KLHL21: variants seen among roughly 807,000 people sequenced by gnomAD.
KLHL21 encodes the protein kelch-like protein 21.
KLHL21 carries 42 observed loss-of-function variants against 44.1 expected under a neutral mutation model. The ratio of observed to expected loss-of-function variants is 0.95; its 90% CI spans 0.74 to 1.23. The LOEUF is 1.23. Among genes scored for constraint, KLHL21 ranks in the 50% most tolerant of loss-of-function variants. KLHL21 has a pLI of 0.00. For missense variants in KLHL21, 918 were observed against 889.1 expected (o/e 1.03, Z -0.41); for synonymous variants, 524 against 411.6 (o/e 1.27, Z -3.31).
rs1393558207 is a variant in KLHL21, at chr1:6,602,460, C to T, written c.358G>A (p.Ala120Thr). The T allele has an allele frequency of 6.3e-7, 1 of 1,577,566 alleles. No homozygotes were observed. Among genetic ancestry groups the T allele is most frequent in the African/African-American group, 1.3e-5 (1 of 74,308 alleles). Residue 120 changes from alanine (A) to threonine (T), a missense_variant, in exon 1 of 4, where the codon GCC becomes ACC. Physicochemically the swap from Ala to Thr is moderately conservative, Grantham distance 58 (BLOSUM62 0). Coordinates refer to ENST00000377658, the MANE Select transcript of KLHL21 (RefSeq NM_014851.4). ...LRAADLLQFP[A>T]VKEACGAFLQ... ...AAGGCCCCGCACGCCTCCTTCACGGCCGGGAACTGCAGCAGGTCGGCGGCG... is the reference window on the plus strand; with the variant it reads ...AAGGCCCCGCACGCCTCCTTCACGGTCGGGAACTGCAGCAGGTCGGCGGCG...
rs552268322 is a variant in KLHL21, at chr1:6,602,410, G to A, written c.408C>T (p.Ala136=). Residue 136 remains alanine, a synonymous_variant, in exon 1 of 4, where the codon GCC becomes GCT. Transcript: ENST00000377658. ...CGAAGTCCTGCATGTCCAGGCAGTTGGCCAGGTCGAGCTGCTGCTGCAGGA... is the reference window on the plus strand; with the variant it reads ...CGAAGTCCTGCATGTCCAGGCAGTTAGCCAGGTCGAGCTGCTGCTGCAGGA... ...GAFLQQQLDL[A]NCLDMQDFAE... 11 of 1,596,840 alleles carry A rather than the reference G, an allele frequency of 6.9e-6. No homozygotes were observed. Among genetic ancestry groups the A allele is most frequent in the East Asian group, 2.3e-5 (1 of 44,046 alleles).
chr1:6,597,528 G>C (rs977618015), intron 2 of KLHL21, among the ~76,000 whole-genome samples: 58 of 152,296 alleles, frequency 3.8e-4, no homozygotes, highest in African/African-American at 1.4e-3. Flanking sequence ...GAGATTCCAG[G>C]GCTTTCTCAG....
Position 6,602,101 on chromosome 1 carries a change from C to T in KLHL21, c.717G>A (p.Glu239=). Residue 239 remains glutamate, a synonymous_variant, in exon 1 of 4, where the codon GAG becomes GAA. Transcript: ENST00000377658. ...GGCAGCGCGCCACCAGCGGCTCGGC[C>T]TCGACGTGCGCCAACAGGTAGAAGC... The part of the protein sequence containing the change: ...VRRFYLLAHV[E]AEPLVARCPP... The T allele has an allele frequency of 6.8e-7, 1 of 1,474,444 alleles. No homozygotes were observed. Among genetic ancestry groups the T allele is most frequent in the Non-Finnish European group, 8.9e-7 (1 of 1,118,624 alleles). 91.3% of individuals were successfully genotyped at this position (1,474,444 alleles called of 1,614,324 possible).
chr1:6,593,825 A>G, intron 3 of KLHL21, 167 bp from the exon 4 acceptor site: 1 of 1,370,902 alleles, frequency 7.3e-7, no homozygotes, highest in African/African-American at 1.4e-5. Context: ...CACCCTGCCT[A>G]GGAGAACGGG....
rs549310565 is a variant in KLHL21, at chr1:6,592,754, T to A, written c.*611A>T. ...AGGCCCAGCATCTGATAGGACCACA[T>A]CCTCTTCACCCTCCAAGCCCACACC... On this transcript the variant is annotated 3_prime_UTR_variant, in exon 4 of 4. Coordinates refer to ENST00000377658, the MANE Select transcript of KLHL21 (RefSeq NM_014851.4). The A allele has an allele frequency of 6.6e-6, 1 of 152,588 alleles. No individual in the cohort carries two copies. Among genetic ancestry groups the A allele is most frequent in the Non-Finnish European group, 1.5e-5 (1 of 68,286 alleles). 9.5% of individuals were successfully genotyped at this position (152,588 alleles called of 1,614,324 possible). A position where few individuals can be genotyped will look rare whatever the true frequency, so the allele number is the denominator to read the frequency against.
rs1182338770 is a variant in KLHL21 at position 6,602,628 on chromosome 1, T to A, written c.190A>T (p.Met64Leu). The change falls in exon 1 of 4, where the codon ATG becomes TTG. Residue 64 changes from methionine to leucine, a missense_variant. By Grantham distance (15) the Met-to-Leu change is conservative. Transcript: ENST00000377658. Reference sequence around the variant, plus strand: ...CTCTCGCGCAGCTGCCCCGCGAACATGGCGCGGAAGTAGGGGCTGGCGGCG... The same window carrying A: ...CTCTCGCGCAGCTGCCCCGCGAACAAGGCGCGGAAGTAGGGGCTGGCGGCG... ...LAAASPYFRA[M>L]FAGQLRESRA... 9 of 1,519,410 alleles carry A rather than the reference T, an allele frequency of 5.9e-6. No individual in the cohort carries two copies. Among genetic ancestry groups the A allele is most frequent in the Non-Finnish European group, 7.9e-6 (9 of 1,139,574 alleles). The allele number at this position is 1,519,410 out of a possible 1,614,324, so 94.1% of individuals were successfully genotyped here. A position where few individuals can be genotyped will look rare whatever the true frequency, so the allele number is the denominator to read the frequency against.
chr1:6,602,688 C>G lies in KLHL21; in HGVS notation c.130G>C (p.Gly44Arg). The change falls in exon 1 of 4, where the codon GGG becomes CGG. Residue 44 changes from glycine (G) to arginine (R), a missense_variant. Transcript: ENST00000377658. ...FLDVTLEAAG[G>R]RDFPAHRAVL... ...GCACGGTGCGCCGGGAAGTCGCGCC[C>G]GCCCGCCGCCTCCAGGGTCACGTCC... 2 of 1,512,438 alleles carry G rather than the reference C, an allele frequency of 1.3e-6. No homozygotes were observed. The highest frequency in any genetic ancestry group is 1.2e-5 in the South Asian group (1 of 81,650). 93.7% of individuals were successfully genotyped at this position (1,512,438 alleles called of 1,614,324 possible).
At chr1:6,597,224 G>A (rs1295596238) in intron 2 of KLHL21, among the ~76,000 whole-genome samples, 1 of 152,186 alleles carries the variant, frequency 6.6e-6, no homozygotes, top group African/African-American at 2.4e-5. Context: ...AGCAGTGGGT[G>A]GGGGTGGCGG....
At position 6,599,218 on chromosome 1, in the gene KLHL21, G is replaced by A. The variant is rs766492553; in HGVS notation, c.1256C>T (p.Ala419Val). 9.9e-6 allele frequency: 16 copies of A among 1,614,014 alleles called. No homozygotes were observed. The highest frequency in any genetic ancestry group is 9.3e-5 in the African/African-American group (7 of 74,932). The change falls in exon 2 of 4, where the codon GCG becomes GTG. Residue 419 changes from alanine (A) to valine (V), a missense_variant. Coordinates refer to ENST00000377658, the MANE Select transcript of KLHL21 (RefSeq NM_014851.4). ...GATGGCATAGAGCCGGCCACGGCACGCAGTGGTGGAGCAGTTGTCCATGGG... is the reference window on the plus strand; with the variant it reads ...GATGGCATAGAGCCGGCCACGGCACACAGTGGTGGAGCAGTTGTCCATGGG... ...TYPMDNCSTT[A>V]CRGRLYAIGS...
Position 6,599,162 on chromosome 1 carries a change from T to C in KLHL21, c.1312A>G (p.Met438Val). 1 of 1,614,042 alleles carries C rather than the reference T, an allele frequency of 6.2e-7. No individual in the cohort carries two copies. The highest frequency in any genetic ancestry group is 1.3e-5 in the African/African-American group (1 of 75,040). Residue 438 changes from methionine to valine, a missense_variant, in exon 2 of 4, where the codon ATG becomes GTG. Coordinates refer to ENST00000377658, the MANE Select transcript of KLHL21 (RefSeq NM_014851.4). ...TCGGTGTCCGGGTCGTAGCACTGCATCACCATGGTCTCCTTGCCAGCCAGG... is the reference window on the plus strand; with the variant it reads ...TCGGTGTCCGGGTCGTAGCACTGCACCACCATGGTCTCCTTGCCAGCCAGG... ...GSLAGKETMVMQCYDPDTDLW... is the reference protein window; with the variant it reads ...GSLAGKETMVVQCYDPDTDLW...
In KLHL21 at chr1:6,593,632, G is replaced by T. The variant is rs143032265; in HGVS notation, c.1527C>A (p.Val509=). ...NQVHVGGSLA[V]LGGKLYVSGG... Reference sequence around the variant, plus strand: ...CAGAGACGTACAGCTTCCCCCCAAGGACGGCCAGGCTGCCCCCCACATGTA... The same window carrying T: ...CAGAGACGTACAGCTTCCCCCCAAGTACGGCCAGGCTGCCCCCCACATGTA... The change falls in exon 4 of 4, where the codon GTC becomes GTA. Residue 509 remains valine, a synonymous_variant. Transcript: ENST00000377658. 10 of 1,591,406 alleles carry T rather than the reference G, an allele frequency of 6.3e-6. No homozygotes were observed. The highest frequency in any genetic ancestry group is 1.3e-5 in the African/African-American group (1 of 74,604).
In KLHL21 at chr1:6,602,592, G is replaced by C. The variant is rs760499587; in HGVS notation, c.226C>G (p.Arg76Gly). The C allele has an allele frequency of 6.5e-7, 1 of 1,526,874 alleles. No individual in the cohort carries two copies. Among genetic ancestry groups the C allele is most frequent in the Non-Finnish European group, 8.8e-7 (1 of 1,142,020 alleles). The allele number at this position is 1,526,874 out of a possible 1,614,324, so 94.6% of individuals were successfully genotyped here. A position where few individuals can be genotyped will look rare whatever the true frequency, so the allele number is the denominator to read the frequency against. The change falls in exon 1 of 4, where the codon CGG (arginine) becomes GGG (glycine). Residue 76 changes from arginine (R) to glycine (G), a missense_variant. Arg to Gly is a moderately radical substitution (Grantham distance 125). Transcript: ENST00000377658. ...AGQLRESRAE[R>G]VRLHGVPPDM... ...GGAGGCACTCCGTGCAGGCGCACCC[G>C]CTCGGCGCGGCTCTCGCGCAGCTGC...
Position 6,602,785 on chromosome 1 carries a change from G to C in KLHL21, c.33C>G (p.Pro11=). The C allele has an allele frequency of 6.8e-7, 1 of 1,475,692 alleles. No homozygotes were observed. Among genetic ancestry groups the C allele is most frequent in the Non-Finnish European group, 8.9e-7 (1 of 1,123,256 alleles). The allele number at this position is 1,475,692 out of a possible 1,614,324, so 91.4% of individuals were successfully genotyped here. A position where few individuals can be genotyped will look rare whatever the true frequency, so the allele number is the denominator to read the frequency against. Residue 11 remains proline (P), a synonymous_variant, in exon 1 of 4, where the codon CCC becomes CCG. Coordinates refer to ENST00000377658, the MANE Select transcript of KLHL21 (RefSeq NM_014851.4). ...TCAGGGCGTGCGCGGGGTCCGAGAA[G>C]GGAAGCACGGCCAGGGGCGCCGGTC... is the stretch of plus-strand genomic sequence containing the variant. MERPAPLAVL[P]FSDPAHALSL... is the part of the protein sequence containing the mutation.
Position 6,593,545 on chromosome 1 carries a change from G to A in KLHL21, c.1614C>T (p.Arg538=), listed in dbSNP as rs1299268104. Residue 538 remains arginine, a synonymous_variant, in exon 4 of 4, where the codon CGC becomes CGT. Coordinates refer to ENST00000377658, the MANE Select transcript of KLHL21 (RefSeq NM_014851.4). ...DVVEAYDPET[R]AWSVVGRLPE... is the part of the protein sequence containing the mutation. ...GGAGCCGCCCCACCACGCTCCACGC[G>A]CGAGTCTCTGGGTCATAGGCCTCTA... 1.2e-5 allele frequency: 20 copies of A among 1,613,832 alleles called. No individual in the cohort carries two copies. The highest frequency in any genetic ancestry group is 4.0e-5 in the African/African-American group (3 of 74,928).
intron 3 of KLHL21, 36 bp from the exon 4 acceptor site, chr1:6,593,694 G>GGA: frequency 6.5e-7 from 1 of 1,536,396 alleles, no homozygotes; most frequent in Non-Finnish European, 8.8e-7. Context: ...GGAGGTCAGA[G>GGA]GAGAGGGTAG....
intron 1 of KLHL21, among the ~76,000 whole-genome samples, chr1:6,600,524 G>A (rs1208999785): frequency 6.6e-6 from 1 of 152,240 alleles, no homozygotes; most frequent in Non-Finnish European, 1.5e-5. Context: ...CTGTTTCACA[G>A]CCCTGAGCTC....
chr1:6,593,441 A>T lies in KLHL21; in HGVS notation c.1718T>A (p.Phe573Tyr), dbSNP rs1179215454. ...GTCATCGCTGCCACTGTCCAACTCGAAGCCACGCCCACCCGAGAAGGTCTG... is the reference window on the plus strand; with the variant it reads ...GTCATCGCTGCCACTGTCCAACTCGTAGCCACGCCCACCCGAGAAGGTCTG... ...MPQTFSGGRG[F>Y]ELDSGSDDMD... is the part of the protein sequence containing the mutation. Residue 573 changes from phenylalanine to tyrosine, a missense_variant, in exon 4 of 4, where the codon TTC (phenylalanine) becomes TAC (tyrosine). Physicochemically the swap from Phe to Tyr is conservative, Grantham distance 22 (BLOSUM62 3). Coordinates refer to ENST00000377658, the MANE Select transcript of KLHL21 (RefSeq NM_014851.4). 1 of 1,613,244 alleles carries T rather than the reference A, an allele frequency of 6.2e-7. No individual in the cohort carries two copies. Among genetic ancestry groups the T allele is most frequent in the Admixed American group, 1.7e-5 (1 of 60,004 alleles).
chr1:6,599,076 C>A lies in KLHL21; in HGVS notation c.1398G>T (p.Ala466=). 1 of 1,603,006 alleles carries A rather than the reference C, an allele frequency of 6.2e-7. No homozygotes were observed. The highest frequency in any genetic ancestry group is 8.5e-7 in the Non-Finnish European group (1 of 1,174,264). Residue 466 remains alanine (A), a synonymous_variant, in exon 2 of 4, where the codon GCG becomes GCT. Coordinates refer to ENST00000377658, the MANE Select transcript of KLHL21 (RefSeq NM_014851.4). The part of the protein sequence containing the change: ...LPPWSFAPKT[A]TLNGLMYFVR... ...CAAAGTACATGAGTCCGTTTAGAGTCGCAGTCTTGGGGGCGAAGGACCAGG... is the reference window on the plus strand; with the variant it reads ...CAAAGTACATGAGTCCGTTTAGAGTAGCAGTCTTGGGGGCGAAGGACCAGG...
chr1:6,596,356 G>A (rs182714963), intron 2 of KLHL21, among the ~76,000 whole-genome samples: 6 of 152,330 alleles, frequency 3.9e-5, no homozygotes, highest in East Asian at 3.9e-4. Context: ...TCTTGAACCC[G>A]GGAGGCGGAG....
Sources: allele counts gnomAD v4.1 joint callset (sites outside exome capture counted in the v4.1 genomes callset), GRCh38; gene constraint gnomAD v4.1.1; transcripts MANE v1.5; gene names NCBI Gene and HGNC (gene_info 2026-07-23, HGNC 2026-07-21).